The following PTPRT variants were observed in gnomAD, a reference collection of about 807,000 sequenced individuals.
The protein encoded by PTPRT is receptor-type tyrosine-protein phosphatase T.
Under a neutral mutation model 176.8 loss-of-function variants are expected in PTPRT, and 56 were observed. The ratio of observed to expected loss-of-function variants is 0.32; its 90% CI spans 0.26 to 0.40. The LOEUF (loss-of-function observed/expected upper bound fraction) is 0.40, where lower values mean the gene tolerates loss of function less well. Among genes scored for constraint, PTPRT ranks in the 10% least tolerant of loss-of-function variants. PTPRT has a pLI of 1.00. For missense variants in PTPRT, 1,540 were observed against 1,908.2 expected (o/e 0.81, Z 3.60); for synonymous variants, 783 against 739.0 (o/e 1.06, Z -0.96).
At chr20:42,678,895 T>C (rs961439209) in intron 6 of PTPRT, among the ~76,000 whole-genome samples, 3 of 152,134 alleles carry the variant, frequency 2.0e-5, no homozygotes. Context: ...AACACACAGA[T>C]TGTTAGTGAA....
At chr20:42,959,483 T>G (rs1600595810) in intron 1 of PTPRT, among the ~76,000 whole-genome samples, 1 of 152,166 alleles carries the variant, frequency 6.6e-6, no homozygotes, top group African/African-American at 2.4e-5. Context: ...CTCATTTAAT[T>G]CACAGAAAAG....
intron 3 of PTPRT, among the ~76,000 whole-genome samples, chr20:42,782,030 T>C (rs1435462151): frequency 6.6e-6 from 1 of 152,198 alleles, no homozygotes; most frequent in Non-Finnish European, 1.5e-5. Context: ...CTTAGAACAA[T>C]GTATGGCACA....
At chr20:43,171,501 T>C (rs2014999664) in intron 1 of PTPRT, among the ~76,000 whole-genome samples, 2 of 151,920 alleles carry the variant, frequency 1.3e-5, no homozygotes, top group Non-Finnish European at 2.9e-5. Flanking sequence ...GAGAGTTAAG[T>C]GTTATGGTTG....
intron 2 of PTPRT, among the ~76,000 whole-genome samples, chr20:42,804,638 C>T (rs2077578779): frequency 6.6e-6 from 1 of 152,218 alleles, no homozygotes; most frequent in South Asian, 2.1e-4. Flanking sequence ...GTCTCACAGT[C>T]CTGGAGGCTG....
intron 16 of PTPRT, among the ~76,000 whole-genome samples, chr20:42,196,859 T>C (rs1471827613): frequency 1.3e-5 from 2 of 152,210 alleles, no homozygotes; most frequent in Non-Finnish European, 1.5e-5. Context: ...GCCATTAGAC[T>C]TTGTCTTTAA....
chr20:42,722,941 G>A (rs973301278), intron 6 of PTPRT, among the ~76,000 whole-genome samples: 27 of 152,268 alleles, frequency 1.8e-4, no homozygotes, highest in Non-Finnish European at 2.8e-4. Context: ...GTAAACATTA[G>A]TGGATGGAAA....
intron 6 of PTPRT, among the ~76,000 whole-genome samples, chr20:42,748,008 C>T (rs918535786): frequency 3.3e-5 from 5 of 152,202 alleles, no homozygotes; most frequent in Admixed American, 1.3e-4. Flanking sequence ...TTGACTCATG[C>T]ACTGATCAGC....
chr20:43,033,495 C>T (rs1036732989), intron 1 of PTPRT, among the ~76,000 whole-genome samples: 13 of 152,120 alleles, frequency 8.5e-5, no homozygotes, highest in Non-Finnish European at 1.5e-4. Flanking sequence ...CCCTGTCATC[C>T]GCACAGGGAC....
intron 9 of PTPRT, among the ~76,000 whole-genome samples, chr20:42,369,429 C>T (rs901615795): frequency 1.3e-5 from 2 of 152,250 alleles, no homozygotes; most frequent in African/African-American, 4.8e-5. Context: ...AATACCCTCT[C>T]TACCCTGAAC....
chr20:42,246,048 T>A lies in PTPRT; in HGVS notation c.2312+2639A>T, dbSNP rs377534927. Among the ~76,000 whole-genome samples, 11 of 152,282 alleles carry A rather than the reference T, an allele frequency of 7.2e-5. 1 individual carries two copies. The East Asian group carries it at 1.5e-3, about 21-fold the overall frequency. On this transcript the variant is annotated intron_variant, in intron 14 of 30. Coordinates refer to ENST00000373187, the MANE Select transcript of PTPRT (RefSeq NM_007050.6). ...TGGTGATGAGCCTGCTACTTGGAAG[T>A]TTCTTTGACTTGAATACATCTTCCT...
intron 9 of PTPRT, among the ~76,000 whole-genome samples, chr20:42,369,876 T>C (rs2058564593): frequency 6.6e-6 from 1 of 152,222 alleles, no homozygotes; most frequent in African/African-American, 2.4e-5. Context: ...AGGGATGTTG[T>C]GTTTTTAGAA....
At chr20:42,188,105 C>T (rs754805363) in intron 16 of PTPRT, among the ~76,000 whole-genome samples, 5 of 152,180 alleles carry the variant, frequency 3.3e-5, no homozygotes, top group Non-Finnish European at 7.3e-5. Context: ...CACCTCAAAT[C>T]GATTGGCCTA....
chr20:42,620,929 C>T (rs186688707), intron 7 of PTPRT, among the ~76,000 whole-genome samples: 1 of 152,302 alleles, frequency 6.6e-6, no homozygotes, highest in Admixed American at 6.5e-5. Flanking sequence ...GAGCTGTAGA[C>T]CGGAGGTGTT....
intron 1 of PTPRT, among the ~76,000 whole-genome samples, chr20:43,053,219 C>G (rs1987113285): frequency 6.6e-6 from 1 of 152,188 alleles, no homozygotes; most frequent in Admixed American, 6.5e-5. Context: ...CTCTCTCTTC[C>G]CCATCACTCA....
intron 6 of PTPRT, among the ~76,000 whole-genome samples, chr20:42,711,044 G>A (rs1362381531): frequency 6.6e-6 from 1 of 152,204 alleles, no homozygotes; most frequent in Non-Finnish European, 1.5e-5. Flanking sequence ...CTTCTGGAAT[G>A]GCAGTGTTTA....
chr20:42,479,393 A>G lies in PTPRT; in HGVS notation c.1154-6831T>C, dbSNP rs566487023. 1.9e-4 allele frequency among the ~76,000 whole-genome samples: 29 copies of G among 152,320 alleles called. No homozygotes were observed. In the South Asian group the frequency reaches 6.0e-3, roughly 32 times the overall value. On this transcript the variant is annotated intron_variant, in intron 7 of 30. Transcript: ENST00000373187. ...TCAAATTAAATTGCAATGGAGTCCT[A>G]GGCAGCTGGAAACATTATTGCCAAC...
chr20:42,143,547 ACT>A (rs1462263655), intron 17 of PTPRT, among the ~76,000 whole-genome samples: 1 of 139,454 alleles, frequency 7.2e-6, no homozygotes, highest in Admixed American at 7.7e-5. Flanking sequence ...ACAGAGCGAG[ACT>A]CTGTTTCAAA....
At chr20:42,856,702 T>C (rs149995340) in intron 2 of PTPRT, among the ~76,000 whole-genome samples, 350 of 151,744 alleles carry the variant, frequency 2.3e-3, no homozygotes, top group Non-Finnish European at 3.8e-3. Flanking sequence ...TATGTAAAAA[T>C]GCATATACTA....
the PTPRT span, among the ~76,000 whole-genome samples, chr20:42,046,581 C>T: frequency 1.4e-4 from 22 of 152,302 alleles, no homozygotes; most frequent in Admixed American, 6.5e-5. Context: ...TGTTTATAAA[C>T]GACTTACAGT....
Sources: gnomAD v4.1 joint callset for allele counts (sites outside exome capture counted in the v4.1 genomes callset) on GRCh38, gnomAD v4.1.1 for gene constraint, MANE v1.5 for transcripts, NCBI Gene and HGNC (gene_info 2026-07-23, HGNC 2026-07-21) for gene names.